The following NEK7 variants were observed in gnomAD, a reference collection of about 807,000 sequenced individuals.
NEK7 encodes serine/threonine-protein kinase Nek7.
Under a neutral mutation model 44.6 loss-of-function variants are expected in NEK7, and 18 were observed. The ratio of observed to expected loss-of-function variants is 0.40; its 90% CI spans 0.28 to 0.60. The LOEUF (loss-of-function observed/expected upper bound fraction) is 0.60. NEK7 is among the 20% of genes least tolerant of loss of function. NEK7 has a pLI of 0.38. For missense variants in NEK7, 256 were observed against 366.5 expected, an observed-to-expected ratio of 0.70 and a Z score of 2.46; for synonymous variants, 130 against 121.1, an observed-to-expected ratio of 1.07 and a Z score of -0.48.
At chr1:198,297,057 A>G in intron 8 of NEK7, 70 bp from the exon 9 acceptor site, 1 of 991,084 alleles carries the variant, frequency 1.0e-6, no homozygotes, top group Non-Finnish European at 1.6e-6. Flanking sequence ...ACCCCCGTAT[A>G]ATATACTTGA....
chr1:198,230,754 CAA>C (rs1666364388), intron 1 of NEK7, among the ~76,000 whole-genome samples: 2 of 151,848 alleles, frequency 1.3e-5, no homozygotes, highest in East Asian at 3.9e-4. Context: ...GGTCAATATA[CAA>C]AAAACGTTTT....
chr1:198,207,850 AAAAT>A (rs753426312), intron 1 of NEK7, among the ~76,000 whole-genome samples: 1 of 152,208 alleles, frequency 6.6e-6, no homozygotes, highest in East Asian at 1.9e-4. Flanking sequence ...AAAAGTTCTA[AAAAT>A]AAATGTTAAA....
At chr1:198,281,634 C>T (rs1654200995) in intron 7 of NEK7, among the ~76,000 whole-genome samples, 1 of 152,014 alleles carries the variant, frequency 6.6e-6, no homozygotes, top group African/African-American at 2.4e-5. Context: ...ATTTTAAAAA[C>T]ATCTTATGCA....
rs113280222 is a variant in NEK7, at chr1:198,178,999, C to T, written c.-29+21723C>T. On this transcript the variant is annotated intron_variant, in intron 1 of 9. Coordinates refer to ENST00000367385, the MANE Select transcript of NEK7 (RefSeq NM_133494.3). ...TTTGATACCATTTGATACCCCCCCC[C>T]TTTTTTTTTTAAGGAAAAGCCTCTT... Among the ~76,000 whole-genome samples the T allele has an allele frequency of 1.3e-3, 176 of 136,238 alleles. 1 individual carries two copies. The highest frequency in any genetic ancestry group is 4.7e-3 in the African/African-American group (163 of 34,728). The allele number at this position is 136,238 out of a possible 152,430, so 89.4% of individuals were successfully genotyped here.
intron 1 of NEK7, among the ~76,000 whole-genome samples, chr1:198,158,147 T>A (rs1376299700): frequency 1.3e-5 from 2 of 152,144 alleles, no homozygotes; most frequent in Non-Finnish European, 2.9e-5. Context: ...CGCGGAGAGA[T>A]GATGTATCGT....
chr1:198,292,782 A>C (rs552432955), intron 7 of NEK7, among the ~76,000 whole-genome samples, 163 bp from the exon 8 acceptor site: 41 of 152,130 alleles, frequency 2.7e-4, no homozygotes, highest in African/African-American at 8.7e-4. Context: ...TCAAGGAATA[A>C]AGAAGAAATT....
At chr1:198,172,512 C>G (rs1664479515) in intron 1 of NEK7, among the ~76,000 whole-genome samples, 1 of 152,128 alleles carries the variant, frequency 6.6e-6, no homozygotes, top group Non-Finnish European at 1.5e-5. Context: ...GAGGAGCAAA[C>G]TTTGTCCCAG....
rs6671879 is a variant in NEK7, at chr1:198,171,808, A to T, written c.-29+14532A>T. Among the ~76,000 whole-genome samples, 3 of 151,990 alleles carry T rather than the reference A, an allele frequency of 2.0e-5. No individual in the cohort carries two copies. The East Asian group carries it at 5.8e-4, about 29-fold the overall frequency. ...CCCATGATTGAGTCTGGAATGTCCC[A>T]CCTCTTCTCCTTTGCCTGGTTAACT... On this transcript the variant is annotated intron_variant, in intron 1 of 9. Coordinates refer to ENST00000367385, the MANE Select transcript of NEK7 (RefSeq NM_133494.3).
chr1:198,232,466 G>A, intron 1 of NEK7, 87 bp from the exon 2 acceptor site: 1 of 633,424 alleles, frequency 1.6e-6, no homozygotes, highest in Non-Finnish European at 2.9e-6. Context: ...TAAATCTCTA[G>A]CATTTGAATG....
chr1:198,236,613 C>G (rs1332574311), intron 2 of NEK7, among the ~76,000 whole-genome samples: 2 of 152,104 alleles, frequency 1.3e-5, no homozygotes, highest in Non-Finnish European at 2.9e-5. Flanking sequence ...ACTGAAGAAA[C>G]TGAAGCAGTC....
At chr1:198,249,948 C>T (rs1652867709) in intron 2 of NEK7, among the ~76,000 whole-genome samples, 2 of 146,526 alleles carry the variant, frequency 1.4e-5, no homozygotes, top group South Asian at 2.3e-4. Flanking sequence ...ACATGAAGTC[C>T]TTGCCCATGC....
chr1:198,264,610 CT>C (rs5779916), intron 5 of NEK7, among the ~76,000 whole-genome samples: 51,021 of 151,670 alleles, frequency 0.34, 9,825 homozygotes, highest in East Asian at 0.8. Flanking sequence ...TGACCTGTTT[CT>C]TGGGGGGGAA....
At chr1:198,280,895 C>T (rs1654174519) in intron 7 of NEK7, among the ~76,000 whole-genome samples, 3 of 151,150 alleles carry the variant, frequency 2.0e-5, no homozygotes, top group Admixed American at 1.3e-4. Context: ...GTTTTCTTAA[C>T]AGATGAATCA....
In NEK7 at chr1:198,159,480, T is replaced by C. The variant is rs1050866894; in HGVS notation, c.-29+2204T>C. 6.6e-5 allele frequency among the ~76,000 whole-genome samples: 10 copies of C among 152,240 alleles called. 1 individual carries two copies. Among genetic ancestry groups the C allele is most frequent in the South Asian group, 4.1e-4 (2 of 4,832 alleles). ...TCCATGTGACTGAGGCGGGTTTTAC[T>C]CTGAAATTACCTGAAAATGAAAACC... On this transcript the variant is annotated intron_variant, in intron 1 of 9. Coordinates refer to ENST00000367385, the MANE Select transcript of NEK7 (RefSeq NM_133494.3).
intron 1 of NEK7, among the ~76,000 whole-genome samples, chr1:198,222,138 T>C (rs1382879819): frequency 6.6e-6 from 1 of 152,118 alleles, no homozygotes; most frequent in African/African-American, 2.4e-5. Context: ...AATTTTGTTC[T>C]TTTATTTTCC....
chr1:198,218,148 T>TA (rs1230941879), intron 1 of NEK7, among the ~76,000 whole-genome samples: 1 of 151,916 alleles, frequency 6.6e-6, no homozygotes, highest in African/African-American at 2.4e-5. Context: ...CTGGAAGCAT[T>TA]ACATTACCTG....
intron 9 of NEK7, among the ~76,000 whole-genome samples, chr1:198,314,225 T>C (rs1468508760): frequency 1.1e-4 from 16 of 152,330 alleles, no homozygotes; most frequent in East Asian, 5.8e-4. Flanking sequence ...TTGATTGCAT[T>C]GGCTCCTGAG....
At chr1:198,315,249 C>T (rs1655326835) in intron 9 of NEK7, among the ~76,000 whole-genome samples, 1 of 152,194 alleles carries the variant, frequency 6.6e-6, no homozygotes, top group Admixed American at 6.5e-5. Flanking sequence ...AACTCTCTGA[C>T]CCCTTGCGCT....
At chr1:198,277,797 T>G in intron 5 of NEK7, 164 bp from the exon 6 acceptor site, 1 of 559,596 alleles carries the variant, frequency 1.8e-6, no homozygotes, top group Non-Finnish European at 3.2e-6. Context: ...AGCCATTATG[T>G]CAGATAAAAT....
Sources: allele counts gnomAD v4.1 joint callset (sites outside exome capture counted in the v4.1 genomes callset), GRCh38; gene constraint gnomAD v4.1.1; transcripts MANE v1.5; gene names NCBI Gene and HGNC (gene_info 2026-07-23, HGNC 2026-07-21).